The following TPCN1 variants were observed in gnomAD, a reference collection of about 807,000 sequenced individuals.
The protein encoded by TPCN1 is two pore segment channel 1, also known as two pore channel protein 1.
A neutral mutation model predicts 108.8 loss-of-function variants in TPCN1; 52 were observed. That is an observed-to-expected ratio of 0.48 (90% confidence interval 0.38 to 0.60). The LOEUF (loss-of-function observed/expected upper bound fraction) is 0.60. Ranked by LOEUF, TPCN1 falls within the 20% of genes least tolerant of loss-of-function variation. The pLI is 0.00. For synonymous variants in TPCN1, 446 were observed against 433.7 expected (o/e 1.03, Z -0.35); for missense variants, 806 against 1,072.8 (o/e 0.75, Z 3.47).
chr12:113,272,953 A>G lies in TPCN1; in HGVS notation c.783+261A>G, dbSNP rs994331880. ...TTGGACCATTGGAATATTTTGGCAG[A>G]GGAGCAGTGGGGGAGAGCCAGGCGA... On this transcript the variant is annotated intron_variant, in intron 8 of 27. Transcript: ENST00000335509. This position sits in a 1 kb window ranked among gnomAD's most constrained non-coding sequence, Gnocchi z 4.1. Among the ~76,000 whole-genome samples the G allele has an allele frequency of 6.6e-6, 1 of 152,172 alleles. No individual in the cohort carries two copies. Among genetic ancestry groups the G allele is most frequent in the African/African-American group, 2.4e-5 (1 of 41,442 alleles).
chr12:113,292,742 C>G (rs747678354), intron 25 of TPCN1, 192 bp from the exon 26 acceptor site: 1 of 604,350 alleles, frequency 1.7e-6, no homozygotes, highest in Non-Finnish European at 2.8e-6. Flanking sequence ...GCTAGACCTG[C>G]GCTCCTGACA....
At chr12:113,263,788 A>G (rs549359583) in intron 3 of TPCN1, among the ~76,000 whole-genome samples, 1 of 152,358 alleles carries the variant, frequency 6.6e-6, no homozygotes, top group African/African-American at 2.4e-5. Flanking sequence ...CTTGGACCCC[A>G]GGGAGCGGAG....
Position 113,266,096 on chromosome 12 carries a change from T to G in TPCN1, c.238-84T>G, listed in dbSNP as rs1021061691. ...ATCTCTCCTCGCCTGCCTGGGGCCT[T>G]CCTTTCCTCCCCTGCCCGCGGCTCC... is the stretch of plus-strand genomic sequence containing the variant. On this transcript the variant is annotated intron_variant, in intron 3 of 27. Transcript: ENST00000335509. This position sits in a 1 kb window ranked among gnomAD's most constrained non-coding sequence, Gnocchi z 4.2. 8 of 1,487,916 alleles carry G rather than the reference T, an allele frequency of 5.4e-6. No individual in the cohort carries two copies. In the African/African-American group the frequency reaches 9.7e-5, roughly 18 times the overall value. The allele number at this position is 1,487,916 out of a possible 1,614,324, so 92.2% of individuals were successfully genotyped here.
Position 113,288,361 on chromosome 12 carries a change from G to A in TPCN1, c.1706+127G>A, listed in dbSNP as rs1024988315. ...AGGACTGCAATCGAGGGCCTGACGG[G>A]GCTCCAAGGAGCCTGGAATCTTGAC... is the stretch of plus-strand genomic sequence containing the variant. On this transcript the variant is annotated intron_variant, in intron 20 of 27. Transcript: ENST00000335509. This position sits in a 1 kb window ranked among gnomAD's most constrained non-coding sequence, Gnocchi z 4.8. 4.6e-6 allele frequency: 7 copies of A among 1,519,286 alleles called. No homozygotes were observed. In the African/African-American group the frequency reaches 9.6e-5, roughly 21 times the overall value. 94.1% of individuals were successfully genotyped at this position (1,519,286 alleles called of 1,614,324 possible). A position where few individuals can be genotyped will look rare whatever the true frequency, so the allele number is the denominator to read the frequency against.
Position 113,268,088 on chromosome 12 carries a change from C to A in TPCN1, c.528+132C>A. ...GCTCAGAGGTGTAACCCTAGGGTCC[C>A]TGTCCTGACCGTGCCCTCAGCCTTG... On this transcript the variant is annotated intron_variant, in intron 5 of 27. Coordinates refer to ENST00000335509, the MANE Select transcript of TPCN1 (RefSeq NM_017901.6). The surrounding 1 kb of genome is among the most constrained non-coding windows in gnomAD (Gnocchi z 7.3). 1.4e-6 allele frequency: 1 copy of A among 691,036 alleles called. No homozygotes were observed. The allele number at this position is 691,036 out of a possible 1,614,324, so 42.8% of individuals were successfully genotyped here. A position where few individuals can be genotyped will look rare whatever the true frequency, so the allele number is the denominator to read the frequency against.
At chr12:113,238,960 A>C (rs1202467969) in intron 2 of TPCN1, among the ~76,000 whole-genome samples, 1 of 152,050 alleles carries the variant, frequency 6.6e-6, no homozygotes, top group African/African-American at 2.4e-5. Context: ...GTGAGACCCC[A>C]TTTCTAAAAA....
At chr12:113,230,569 A>G (rs1395992950) in intron 2 of TPCN1, among the ~76,000 whole-genome samples, 2 of 152,122 alleles carry the variant, frequency 1.3e-5, no homozygotes, top group Non-Finnish European at 2.9e-5. Context: ...CACCAGTCCT[A>G]TTGGATTAGA....
chr12:113,250,993 A>G (rs1462921632), intron 2 of TPCN1, among the ~76,000 whole-genome samples: 5 of 151,748 alleles, frequency 3.3e-5, no homozygotes, highest in Non-Finnish European at 7.4e-5. Flanking sequence ...CATAAAAATT[A>G]AAAAATAAAA....
chr12:113,246,050 G>A (rs78796529), intron 2 of TPCN1: 171 of 456,132 alleles, frequency 3.7e-4, no homozygotes, highest in African/African-American at 2.9e-3. Context: ...GAGTGTTACC[G>A]TGTGTGCAAA....
chr12:113,288,770 C>T lies in TPCN1; in HGVS notation c.1719C>T (p.Thr573=), dbSNP rs767741127. The T allele has an allele frequency of 1.2e-5, 19 of 1,612,934 alleles. No homozygotes were observed. Among genetic ancestry groups the T allele is most frequent in the Non-Finnish European group, 1.6e-5 (19 of 1,180,022 alleles). Residue 573 remains threonine (T), a synonymous_variant, in exon 21 of 28, where the codon ACC becomes ACT. Transcript: ENST00000335509. The surrounding 1 kb of genome is among the most constrained non-coding windows in gnomAD (Gnocchi z 4.8). ...LLPRMASLGL[T]LLIFYYSFAI... is the part of the protein sequence containing the mutation. ...TGTCGCCCCACAGCCTGGGCCTCAC[C>T]CTGCTCATCTTTTACTACTCCTTCG... is the stretch of plus-strand genomic sequence containing the variant.
chr12:113,286,504 G>C (rs552920775), intron 18 of TPCN1, among the ~76,000 whole-genome samples: 1 of 138,674 alleles, frequency 7.2e-6, no homozygotes, highest in South Asian at 2.3e-4. Context: ...CTGGAGAGGA[G>C]AGAGGGTCCT....
chr12:113,238,018 A>G (rs1250096539), intron 2 of TPCN1, among the ~76,000 whole-genome samples: 1 of 152,222 alleles, frequency 6.6e-6, no homozygotes, highest in Non-Finnish European at 1.5e-5. Flanking sequence ...GCACTGACAC[A>G]GTCCCCTGAA....
At chr12:113,247,841 C>T (rs540827115) in intron 2 of TPCN1, among the ~76,000 whole-genome samples, 5 of 152,328 alleles carry the variant, frequency 3.3e-5, no homozygotes, top group Admixed American at 6.5e-5. Context: ...TCCCTCTCTC[C>T]GTGTGGAGAA....
At chr12:113,276,514 G>A (rs995154065) in intron 10 of TPCN1, among the ~76,000 whole-genome samples, 8 of 152,124 alleles carry the variant, frequency 5.3e-5, no homozygotes, top group African/African-American at 1.2e-4. Context: ...TGGGCAGGCA[G>A]CCTCCGCCTG....
At chr12:113,262,846 G>C (rs904239258) in intron 3 of TPCN1, among the ~76,000 whole-genome samples, 2 of 152,252 alleles carry the variant, frequency 1.3e-5, no homozygotes, top group Non-Finnish European at 2.9e-5. Context: ...GGGGCCAAAT[G>C]ATGCCCAAGG....
intron 14 of TPCN1, among the ~76,000 whole-genome samples, chr12:113,279,383 A>ATTTTTTTTTTT (rs1566189529): frequency 4.4e-5 from 1 of 22,524 alleles, no homozygotes; most frequent in African/African-American, 2.5e-4. Flanking sequence ...ATATATATAT[A>ATTTTTTTTTTT]TATATATATT....
At chr12:113,295,279 A>G (rs1279041867) in intron 27 of TPCN1, among the ~76,000 whole-genome samples, 1 of 152,096 alleles carries the variant, frequency 6.6e-6, no homozygotes, top group Non-Finnish European at 1.5e-5. Context: ...TCTATGGTTC[A>G]GTCTTTTAAA....
chr12:113,278,579 A>C (rs1220512172), intron 13 of TPCN1, among the ~76,000 whole-genome samples, 193 bp from the exon 14 acceptor site: 2 of 152,226 alleles, frequency 1.3e-5, no homozygotes, highest in Non-Finnish European at 2.9e-5. Flanking sequence ...CTATACTAAA[A>C]TAAGGCCTCT....
At chr12:113,230,499 T>C (rs1279919029) in intron 2 of TPCN1, among the ~76,000 whole-genome samples, 2 of 152,202 alleles carry the variant, frequency 1.3e-5, no homozygotes, top group Admixed American at 6.5e-5. Flanking sequence ...TGGTTACCTT[T>C]TTGCTGTGTC....
Sources: allele counts gnomAD v4.1 joint callset (sites outside exome capture counted in the v4.1 genomes callset), GRCh38; gene constraint gnomAD v4.1.1; non-coding constraint Gnocchi (gnomAD v3.1); transcripts MANE v1.5; gene names NCBI Gene and HGNC (gene_info 2026-07-23, HGNC 2026-07-21).